The following KRT36 variants were observed in gnomAD, a reference collection of about 807,000 sequenced individuals.
The protein encoded by KRT36 is keratin 36.
In KRT36, 41 loss-of-function variants were observed where a neutral mutation model predicts 43.0. The ratio of observed to expected loss-of-function variants is 0.95; its 90% CI spans 0.74 to 1.24. The LOEUF (loss-of-function observed/expected upper bound fraction) is 1.24, where lower values mean the gene tolerates loss of function less well. Ranked by LOEUF, KRT36 falls within the 50% of genes most tolerant of loss-of-function variation. The probability of loss-of-function intolerance (pLI) is 0.00; values close to 1 mark genes in which losing one functional copy is unlikely to be tolerated. For missense variants in KRT36, 627 were observed against 595.3 expected (o/e 1.05, Z -0.55); for synonymous variants, 277 against 252.9 (o/e 1.10, Z -0.90).
rs756794711 is a variant in KRT36 at position 41,486,547 on chromosome 17, C to T, written c.1233G>A (p.Thr411=). ...DCKLPPQPCA[T]ACKPVIRVPS... ...GAACTCTAATAACAGGCTTGCATGC[C>T]GTGGCACAAGGTTGGGGAGGAAGCC... is the stretch of plus-strand genomic sequence containing the variant. The change falls in exon 7 of 7, where the codon ACG becomes ACA. Residue 411 remains threonine (T), a synonymous_variant. Transcript: ENST00000328119. The T allele has an allele frequency of 1.6e-5, 26 of 1,590,450 alleles. No individual in the cohort carries two copies. The highest frequency in any genetic ancestry group is 1.4e-4 in the South Asian group (12 of 87,476).
rs1266335179 is a variant in KRT36 at position 41,487,576 on chromosome 17, C to T, written c.861G>A (p.Gln287=). The T allele has an allele frequency of 6.2e-7, 1 of 1,613,852 alleles. No homozygotes were observed. Among genetic ancestry groups the T allele is most frequent in the Non-Finnish European group, 8.5e-7 (1 of 1,179,868 alleles). ...RRDVEAWFNT[Q]TEELNQQVVS... ...TGGTCCCAGGGCACCCCAGCCCCAC[C>T]TGGGTGTTGAACCAGGCCTCCACAT... The change falls in exon 4 of 7, where the codon CAG becomes CAA. Residue 287 remains glutamine (Q), a splice_region_variant and synonymous_variant. Transcript: ENST00000328119.
At position 41,488,434 on chromosome 17, in the gene KRT36, A is replaced by G. The variant is rs570921483; in HGVS notation, c.543-35T>C. ...CAGAACCCTGCCAAGTCTGCAGCAA[A>G]GGAAACCACACACCAGCAGGGACCC... is the stretch of plus-strand genomic sequence containing the variant. On this transcript the variant is annotated intron_variant, in intron 2 of 6. Coordinates refer to ENST00000328119, the MANE Select transcript of KRT36 (RefSeq NM_003771.5). 4 of 1,605,886 alleles carry G rather than the reference A, an allele frequency of 2.5e-6. No homozygotes were observed. The African/African-American group carries it at 5.3e-5, about 21-fold the overall frequency.
In KRT36 at chr17:41,487,469, T is replaced by C; in HGVS notation, c.869A>G (p.Glu290Gly). ...VEAWFNTQTE[E>G]LNQQVVSSSE... is the part of the protein sequence containing the mutation. ...GCTGGACACCACCTGCTGGTTCAGCTCCTCAGTCTGAAACACATGCCAGGG... is the reference window on the plus strand; with the variant it reads ...GCTGGACACCACCTGCTGGTTCAGCCCCTCAGTCTGAAACACATGCCAGGG... The change falls in exon 5 of 7, where the codon GAG becomes GGG. Residue 290 changes from glutamate to glycine, a missense_variant. By Grantham distance (98) the Glu-to-Gly change is moderately conservative (BLOSUM62 -2). Transcript: ENST00000328119. 1 of 1,614,128 alleles carries C rather than the reference T, an allele frequency of 6.2e-7. No individual in the cohort carries two copies. Among genetic ancestry groups the C allele is most frequent in the Non-Finnish European group, 8.5e-7 (1 of 1,179,996 alleles).
At chr17:41,488,836 A>G (rs4796716) in intron 1 of KRT36, 112 bp from the exon 2 acceptor site, 141,331 of 889,776 alleles carry the variant, frequency 0.16, 12,569 homozygotes, top group Admixed American at 0.19. Context: ...CAGCCCCTTC[A>G]CCATTTCCAG....
rs369013334 is a variant in KRT36 at position 41,486,476 on chromosome 17, G to A, written c.1304C>T (p.Pro435Leu). The change falls in exon 7 of 7, where the codon CCG becomes CTG. Residue 435 changes from proline (P) to leucine (L), a missense_variant. Pro to Leu is a moderately conservative substitution (Grantham distance 98). Coordinates refer to ENST00000328119, the MANE Select transcript of KRT36 (RefSeq NM_003771.5). ...GATCTGAGTGCCAACCTGGGGAGCCGGGGTGCAGGGCACAGAGGGGACACA... is the reference window on the plus strand; with the variant it reads ...GATCTGAGTGCCAACCTGGGGAGCCAGGGTGCAGGGCACAGAGGGGACACA... ...VPCVPSVPCT[P>L]APQVGTQIRT... 1.2e-6 allele frequency: 2 copies of A among 1,613,840 alleles called. No homozygotes were observed. Among genetic ancestry groups the A allele is most frequent in the South Asian group, 1.1e-5 (1 of 91,062 alleles).
chr17:41,487,407 C>T lies in KRT36; in HGVS notation c.931G>A (p.Glu311Lys), dbSNP rs145372311. 1.7e-5 allele frequency: 28 copies of T among 1,613,848 alleles called. No homozygotes were observed. Among genetic ancestry groups the T allele is most frequent in the Non-Finnish European group, 2.2e-5 (26 of 1,179,886 alleles). Residue 311 changes from glutamate to lysine, a missense_variant, in exon 5 of 7, where the codon GAG becomes AAG. Coordinates refer to ENST00000328119, the MANE Select transcript of KRT36 (RefSeq NM_003771.5). ...QLQCCQTEII[E>K]LRRTVNALEI... is the part of the protein sequence containing the mutation. ...AGCGCGTTGACCGTACGTCTCAGCT[C>T]GATGATCTCCGTCTGGCAGCACTGC...
chr17:41,486,638 A>G, intron 6 of KRT36, 67 bp from the exon 7 acceptor site: 2 of 1,286,350 alleles, frequency 1.6e-6, no homozygotes, highest in Non-Finnish European at 2.1e-6. Context: ...CGTGTTAAAC[A>G]GATCTAGAGG....
In KRT36 at chr17:41,486,422, C is replaced by G; in HGVS notation, c.1358G>C (p.Gly453Ala). The change falls in exon 7 of 7, where the codon GGG becomes GCG. Residue 453 changes from glycine (G) to alanine (A), a missense_variant. Coordinates refer to ENST00000328119, the MANE Select transcript of KRT36 (RefSeq NM_003771.5). ...GTGCTCCCTGGAGGAGATGACTTTC[C>G]CATCTCTGATCTCCTCGGTGATGGT... The part of the protein sequence containing the change: ...IRTITEEIRD[G>A]KVISSREHVQ... 6.2e-7 allele frequency: 1 copy of G among 1,614,104 alleles called. No homozygotes were observed. The highest frequency in any genetic ancestry group is 8.5e-7 in the Non-Finnish European group (1 of 1,180,016).
rs1292609147 is a variant in KRT36, at chr17:41,488,337, A to T, written c.605T>A (p.Ile202Asn). Residue 202 changes from isoleucine to asparagine, a missense_variant, in exon 3 of 7, where the codon ATC (isoleucine) becomes AAC (asparagine). Transcript: ENST00000328119. Reference sequence around the variant, plus strand: ...CTTGCACAGGGTCAGCTCATCCAGGATCCTACGCAGGCCGTTGATGTCGGC... The same window carrying T: ...CTTGCACAGGGTCAGCTCATCCAGGTTCCTACGCAGGCCGTTGATGTCGGC... Reference protein sequence around the residue: ...VEADINGLRRILDELTLCKAD... With the variant: ...VEADINGLRRNLDELTLCKAD... 6.2e-7 allele frequency: 1 copy of T among 1,614,104 alleles called. No homozygotes were observed. The highest frequency in any genetic ancestry group is 1.1e-5 in the South Asian group (1 of 91,076).
intron 1 of KRT36, 127 bp from the exon 2 acceptor site, chr17:41,488,851 G>A (rs1904482303): frequency 2.6e-6 from 2 of 781,926 alleles, no homozygotes; most frequent in Non-Finnish European, 2.2e-6. Flanking sequence ...TTCCAGCCCT[G>A]AGCCACACCC....
chr17:41,488,379 A>G lies in KRT36; in HGVS notation c.563T>C (p.Leu188Pro), dbSNP rs1567709569. 6.2e-7 allele frequency: 1 copy of G among 1,614,056 alleles called. No homozygotes were observed. Reference sequence around the variant, plus strand: ...GATGTCGGCCTCCACTAGCTGCCGCAGAGACAGCTCTGTCTCATACCTGCA... The same window carrying G: ...GATGTCGGCCTCCACTAGCTGCCGCGGAGACAGCTCTGTCTCATACCTGCA... ...FRTKYETELS[L>P]RQLVEADING... is the part of the protein sequence containing the mutation. Residue 188 changes from leucine to proline, a missense_variant, in exon 3 of 7, where the codon CTG (leucine) becomes CCG (proline). Coordinates refer to ENST00000328119, the MANE Select transcript of KRT36 (RefSeq NM_003771.5).
chr17:41,488,370 A>G lies in KRT36; in HGVS notation c.572T>C (p.Leu191Pro). The part of the protein sequence containing the change: ...KYETELSLRQ[L>P]VEADINGLRR... ...CAGGCCGTTGATGTCGGCCTCCACTAGCTGCCGCAGAGACAGCTCTGTCTC... is the reference window on the plus strand; with the variant it reads ...CAGGCCGTTGATGTCGGCCTCCACTGGCTGCCGCAGAGACAGCTCTGTCTC... Residue 191 changes from leucine (L) to proline (P), a missense_variant, in exon 3 of 7, where the codon CTA (leucine) becomes CCA (proline). Coordinates refer to ENST00000328119, the MANE Select transcript of KRT36 (RefSeq NM_003771.5). 1 of 1,614,126 alleles carries G rather than the reference A, an allele frequency of 6.2e-7. No individual in the cohort carries two copies. The highest frequency in any genetic ancestry group is 8.5e-7 in the Non-Finnish European group (1 of 1,180,000).
chr17:41,486,346 G>A lies in KRT36; in HGVS notation c.*30C>T. 3 of 1,604,242 alleles carry A rather than the reference G, an allele frequency of 1.9e-6. No homozygotes were observed. The highest frequency in any genetic ancestry group is 2.6e-6 in the Non-Finnish European group (3 of 1,173,388). The stretch of plus-strand genomic sequence containing the variant: ...AGGGGTGTCCTCCTTCCTGTGGTCA[G>A]GGCCCTGCCCTGGTGGACCAAGTGG... On this transcript the variant is annotated 3_prime_UTR_variant, in exon 7 of 7. Transcript: ENST00000328119.
chr17:41,488,185 G>T, intron 3 of KRT36, 58 bp downstream of exon 3: 2 of 1,554,082 alleles, frequency 1.3e-6, no homozygotes, highest in Non-Finnish European at 8.8e-7. Flanking sequence ...TGAAAGCCCA[G>T]CAGTGGCTTC....
In KRT36 at chr17:41,487,394, G is replaced by A. The variant is rs2301354; in HGVS notation, c.944C>T (p.Thr315Met). The change falls in exon 5 of 7, where the codon ACG (threonine) becomes ATG (methionine). Residue 315 changes from threonine (T) to methionine (M), a missense_variant. Thr to Met is a moderately conservative substitution (Grantham distance 81). Transcript: ENST00000328119. Reference sequence around the variant, plus strand: ...CAGCTCAATCTCTAGCGCGTTGACCGTACGTCTCAGCTCGATGATCTCCGT... The same window carrying A: ...CAGCTCAATCTCTAGCGCGTTGACCATACGTCTCAGCTCGATGATCTCCGT... The part of the protein sequence containing the change: ...CQTEIIELRR[T>M]VNALEIELQA... 874,504 of 1,612,810 alleles carry A rather than the reference G, an allele frequency of 0.54. 240,108 individuals carry two copies. The highest frequency in any genetic ancestry group is 0.66 in the South Asian group (60,170 of 91,028).
rs1163631848 is a variant in KRT36, at chr17:41,489,734, C to T, written c.131G>A (p.Gly44Asp). 6.2e-7 allele frequency: 1 copy of T among 1,614,072 alleles called. No individual in the cohort carries two copies. Among genetic ancestry groups the T allele is most frequent in the Non-Finnish European group, 8.5e-7 (1 of 1,180,000 alleles). The change falls in exon 1 of 7, where the codon GGT becomes GAT. Residue 44 changes from glycine to aspartate, a missense_variant. Coordinates refer to ENST00000328119, the MANE Select transcript of KRT36 (RefSeq NM_003771.5). ...VGSCRVPSLA[G>D]AAGYISSARS... ...AGCAGAAGAGATGTACCCTGCAGCA[C>T]CGGCGAGACTGGGGACCCTGCAGGA...
rs750956252 is a variant in KRT36, at chr17:41,487,588, C to T, written c.849G>A (p.Trp283Ter). Reference sequence around the variant, plus strand: ...ACCCCAGCCCCACCTGGGTGTTGAACCAGGCCTCCACATCTCTGCGGTTAT... The same window carrying T: ...ACCCCAGCCCCACCTGGGTGTTGAATCAGGCCTCCACATCTCTGCGGTTAT... Reference protein sequence around the residue: ...VENNRRDVEAWFNTQTEELNQ... With the variant: ...VENNRRDVEA The change falls in exon 4 of 7, where the codon TGG becomes TGA. Residue 283 changes from tryptophan to a stop codon, truncating the protein, a stop_gained. Transcript: ENST00000328119. LOFTEE classifies it high-confidence loss of function. 9.3e-6 allele frequency: 15 copies of T among 1,614,078 alleles called. No individual in the cohort carries two copies. In the South Asian group the frequency reaches 1.4e-4, roughly 15 times the overall value.
At chr17:41,488,812 C>G in intron 1 of KRT36, 88 bp from the exon 2 acceptor site, 1 of 1,040,738 alleles carries the variant, frequency 9.6e-7, no homozygotes, top group Non-Finnish European at 1.5e-6. Flanking sequence ...AGAGGCCATG[C>G]CACTGTGTAC....
chr17:41,488,935 G>A (rs1006032533), intron 1 of KRT36, among the ~76,000 whole-genome samples: 1 of 152,196 alleles, frequency 6.6e-6, no homozygotes, highest in African/African-American at 2.4e-5. Flanking sequence ...GGCGCCTGTA[G>A]CCTTCAGAGT....
Sources: gnomAD v4.1 joint callset for allele counts (sites outside exome capture counted in the v4.1 genomes callset) on GRCh38, gnomAD v4.1.1 for gene constraint, MANE v1.5 for transcripts, NCBI Gene and HGNC (gene_info 2026-07-23, HGNC 2026-07-21) for gene names.